OSBPL1A: variants seen among roughly 807,000 people sequenced by gnomAD.
OSBPL1A encodes the protein oxysterol-binding protein-related protein 1.
A neutral mutation model predicts 137.1 loss-of-function variants in OSBPL1A; 80 were observed. That is an observed-to-expected ratio of 0.58 (90% CI 0.49 to 0.70). The LOEUF (loss-of-function observed/expected upper bound fraction) is 0.70, where lower values mean the gene tolerates loss of function less well. Among genes scored for constraint, OSBPL1A ranks in the 30% least tolerant of loss-of-function variants. The pLI, the probability that OSBPL1A is intolerant of heterozygous loss-of-function variation, is 0.00. For synonymous variants in OSBPL1A, 365 were observed against 389.7 expected (o/e 0.94, Z 0.75); for missense variants, 970 against 1,129.4 (o/e 0.86, Z 2.02).
chr18:24,300,629 G>A (rs976967687), intron 14 of OSBPL1A, among the ~76,000 whole-genome samples: 1 of 152,148 alleles, frequency 6.6e-6, no homozygotes, highest in African/African-American at 2.4e-5. Flanking sequence ...CAACAAGTAT[G>A]GCAGAAATTG....
At chr18:24,217,319 G>GTGA (rs1236048900) in intron 17 of OSBPL1A, among the ~76,000 whole-genome samples, 1 of 147,212 alleles carries the variant, frequency 6.8e-6, no homozygotes, top group Non-Finnish European at 1.5e-5. Context: ...GTGCAGTGGT[G>GTGA]TGATCTCAGC....
At chr18:24,261,451 AT>A (rs1382793653) in intron 15 of OSBPL1A, among the ~76,000 whole-genome samples, 1 of 152,228 alleles carries the variant, frequency 6.6e-6, no homozygotes, top group Non-Finnish European at 1.5e-5. Flanking sequence ...AAATGATAGC[AT>A]TTAGCAATAG....
At chr18:24,362,946 C>G (rs2091646658) in intron 4 of OSBPL1A, among the ~76,000 whole-genome samples, 1 of 152,166 alleles carries the variant, frequency 6.6e-6, no homozygotes, top group Non-Finnish European at 1.5e-5. Context: ...GGCTATTAGT[C>G]CTCCCCACCT....
intron 15 of OSBPL1A, among the ~76,000 whole-genome samples, chr18:24,279,839 T>G (rs2089921903): frequency 6.6e-6 from 1 of 151,338 alleles, no homozygotes. Flanking sequence ...GGTTTGCTTT[T>G]CTTTTCTTTT....
intron 15 of OSBPL1A, among the ~76,000 whole-genome samples, chr18:24,269,746 G>A (rs997324472): frequency 1.3e-5 from 2 of 151,824 alleles, no homozygotes; most frequent in South Asian, 2.1e-4. Context: ...AATATGGTAC[G>A]GAATAAGACA....
intron 15 of OSBPL1A, among the ~76,000 whole-genome samples, chr18:24,251,123 T>G (rs1205899553): frequency 6.6e-6 from 1 of 152,186 alleles, no homozygotes; most frequent in Admixed American, 6.5e-5. Flanking sequence ...TCTAAGGTTT[T>G]TGATTCCAAT....
At chr18:24,383,557 T>C (rs1906756205) in intron 1 of OSBPL1A, among the ~76,000 whole-genome samples, 1 of 152,162 alleles carries the variant, frequency 6.6e-6, no homozygotes, top group African/African-American at 2.4e-5. Context: ...AAAGATCAAC[T>C]TGATCCTGCC....
chr18:24,312,949 C>T (rs546724672), intron 12 of OSBPL1A, among the ~76,000 whole-genome samples: 31 of 150,886 alleles, frequency 2.1e-4, no homozygotes, highest in Non-Finnish European at 3.4e-4. Context: ...CATGGTGAAA[C>T]CCCATCTCTA....
intron 2 of OSBPL1A, among the ~76,000 whole-genome samples, chr18:24,371,922 CT>C (rs1392518778): frequency 1.3e-5 from 2 of 152,220 alleles, no homozygotes; most frequent in Non-Finnish European, 2.9e-5. Flanking sequence ...TCTGGCACTA[CT>C]TTTCCATATC....
Position 24,272,085 on chromosome 18 carries a change from A to C in OSBPL1A, c.1281+8757T>G, listed in dbSNP as rs1008887845. 3 of 982,386 alleles carry C rather than the reference A, an allele frequency of 3.1e-6. No individual in the cohort carries two copies. The African/African-American group carries it at 5.3e-5, about 17-fold the overall frequency. 60.9% of individuals were successfully genotyped at this position (982,386 alleles called of 1,614,324 possible). ...CAGCGCCGCTGGCGGGCGGAGGCGC[A>C]GGTAGGGACCGCCGGGGAAGCCTGC... On this transcript the variant is annotated intron_variant, in intron 15 of 27. Coordinates refer to ENST00000319481, the MANE Select transcript of OSBPL1A (RefSeq NM_080597.4).
At position 24,172,369 on chromosome 18, in the gene OSBPL1A, G is replaced by C. The variant is rs1348247364; in HGVS notation, c.2201+7C>G. 8.2e-6 allele frequency: 13 copies of C among 1,594,496 alleles called. No individual in the cohort carries two copies. The highest frequency in any genetic ancestry group is 1.1e-5 in the Non-Finnish European group (13 of 1,162,494). On this transcript the variant is annotated splice_region_variant and intron_variant, in intron 22 of 27. Transcript: ENST00000319481. ...AAGGAATGGACGAAGTACCCAAGGT[G>C]CCTTACTTGTGGTTTATAATTTCCA...
intron 4 of OSBPL1A, among the ~76,000 whole-genome samples, chr18:24,342,241 T>C (rs189003010): frequency 5.3e-5 from 8 of 152,212 alleles, no homozygotes; most frequent in African/African-American, 1.9e-4. Flanking sequence ...ATATATTACA[T>C]ATTTTTATTT....
intron 14 of OSBPL1A, among the ~76,000 whole-genome samples, chr18:24,288,970 C>A (rs189370270): frequency 6.6e-6 from 1 of 152,116 alleles, no homozygotes; most frequent in East Asian, 1.9e-4. Flanking sequence ...AGAGTCAAGC[C>A]TGGTTAGTAC....
chr18:24,329,936 A>T (rs1488716363), intron 7 of OSBPL1A, among the ~76,000 whole-genome samples: 6 of 152,178 alleles, frequency 3.9e-5, no homozygotes, highest in African/African-American at 1.4e-4. Flanking sequence ...AATTGAATGT[A>T]TTTTTTTATC....
chr18:24,314,596 C>A (rs937135568), intron 11 of OSBPL1A, among the ~76,000 whole-genome samples: 1 of 152,102 alleles, frequency 6.6e-6, no homozygotes, highest in South Asian at 2.1e-4. Context: ...TCAGGTTTGT[C>A]GTTTTATTTT....
In OSBPL1A at chr18:24,251,166, T is replaced by C. The variant is rs562217240; in HGVS notation, c.1282-11784A>G. ...TCCCAGAAAACATCTCTGGACCTATTTGGGGCCTGGGGAAACTTGTCACCC... is the reference window on the plus strand; with the variant it reads ...TCCCAGAAAACATCTCTGGACCTATCTGGGGCCTGGGGAAACTTGTCACCC... On this transcript the variant is annotated intron_variant, in intron 15 of 27. Transcript: ENST00000319481. Among the ~76,000 whole-genome samples, 5 of 152,296 alleles carry C rather than the reference T, an allele frequency of 3.3e-5. 1 individual carries two copies. Among genetic ancestry groups the C allele is most frequent in the African/African-American group, 1.2e-4 (5 of 41,556 alleles).
Position 24,239,527 on chromosome 18 carries a change from A to C in OSBPL1A, c.1282-145T>G. 4.1e-6 allele frequency: 3 copies of C among 737,850 alleles called. No homozygotes were observed. In the South Asian group the frequency reaches 6.0e-5, roughly 15 times the overall value. The allele number at this position is 737,850 out of a possible 1,614,324, so 45.7% of individuals were successfully genotyped here. On this transcript the variant is annotated intron_variant, in intron 15 of 27. Transcript: ENST00000319481. Reference sequence around the variant, plus strand: ...AGTCGTGTCACATGTGCATGGATGAATGAGCAAAATTATTAAACTAATTTT... The same window carrying C: ...AGTCGTGTCACATGTGCATGGATGACTGAGCAAAATTATTAAACTAATTTT...
At chr18:24,235,034 G>A (rs1419975886) in intron 16 of OSBPL1A, among the ~76,000 whole-genome samples, 1 of 152,126 alleles carries the variant, frequency 6.6e-6, no homozygotes, top group Non-Finnish European at 1.5e-5. Flanking sequence ...AGGCAGTAGG[G>A]TCTGGATCAT....
At chr18:24,381,036 G>A (rs1260046246) in intron 1 of OSBPL1A, among the ~76,000 whole-genome samples, 1 of 152,074 alleles carries the variant, frequency 6.6e-6, no homozygotes, top group Non-Finnish European at 1.5e-5. Flanking sequence ...GGCTCAGGCT[G>A]TTTAAAGAAA....
Sources: allele counts gnomAD v4.1 joint callset (sites outside exome capture counted in the v4.1 genomes callset), GRCh38; gene constraint gnomAD v4.1.1; transcripts MANE v1.5; gene names NCBI Gene and HGNC (gene_info 2026-07-23, HGNC 2026-07-21).